The following DMGDH variants were observed in gnomAD, a reference collection of about 807,000 sequenced individuals.
DMGDH encodes the protein dimethylglycine dehydrogenase, mitochondrial.
A neutral mutation model predicts 95.2 loss-of-function variants in DMGDH; 76 were observed. The observed-to-expected ratio is 0.80, with a 90% confidence interval of 0.66 to 0.97. DMGDH has a LOEUF of 0.97. DMGDH is among the 50% of genes least tolerant of loss of function. The pLI is 0.00. For synonymous variants in DMGDH, 345 were observed against 377.6 expected, an observed-to-expected ratio of 0.91 and a Z score of 1.00; for missense variants, 987 against 1,055.0, an observed-to-expected ratio of 0.94 and a Z score of 0.89.
At chr5:79,059,311 A>G (rs544462401) in intron 2 of DMGDH, among the ~76,000 whole-genome samples, 1 of 152,334 alleles carries the variant, frequency 6.6e-6, no homozygotes, top group South Asian at 2.1e-4. Context: ...ACTGCTTTCA[A>G]TGGTGGTATA....
rs1561203315 is a variant in DMGDH at position 78,998,201 on chromosome 5, G to C, written c.2482C>G (p.Gln828Glu). 1.9e-6 allele frequency: 3 copies of C among 1,614,062 alleles called. No individual in the cohort carries two copies. Among genetic ancestry groups the C allele is most frequent in the Non-Finnish European group, 2.5e-6 (3 of 1,180,016 alleles). The change falls in exon 16 of 16, where the codon CAA becomes GAA. Residue 828 changes from glutamine (Q) to glutamate (E), a missense_variant. Physicochemically the swap from Gln to Glu is conservative, Grantham distance 29. Transcript: ENST00000255189. Reference sequence around the variant, plus strand: ...TTGCCTAATAGTTCAACTTCCACTTGCTGTCCCACTTCACTTAGTTGTACA... The same window carrying C: ...TTGCCTAATAGTTCAACTTCCACTTCCTGTCCCACTTCACTTAGTTGTACA... Reference protein sequence around the residue: ...VPVQLSEVGQQVEVELLGKNY... With the variant: ...VPVQLSEVGQEVEVELLGKNY...
At position 79,012,900 on chromosome 5, in the gene DMGDH, T is replaced by C. The variant is rs572522013; in HGVS notation, c.2251-7493A>G. Among the ~76,000 whole-genome samples, 5 of 152,316 alleles carry C rather than the reference T, an allele frequency of 3.3e-5. No individual in the cohort carries two copies. In the East Asian group the frequency reaches 9.7e-4, roughly 29 times the overall value. On this transcript the variant is annotated intron_variant, in intron 14 of 15. Coordinates refer to ENST00000255189, the MANE Select transcript of DMGDH (RefSeq NM_013391.3). Reference sequence around the variant, plus strand: ...TCCTCTTAGGCCTCTGGGGCTGTGATGATAGGGATTGTTGTGAAGGTCTCT... The same window carrying C: ...TCCTCTTAGGCCTCTGGGGCTGTGACGATAGGGATTGTTGTGAAGGTCTCT...
intron 15 of DMGDH, among the ~76,000 whole-genome samples, chr5:79,003,970 A>AT: frequency 6.6e-6 from 1 of 151,492 alleles, no homozygotes; most frequent in African/African-American, 2.4e-5. Flanking sequence ...AAATAAATAA[A>AT]AATAAAATAA....
chr5:79,038,556 G>A (rs34171221), intron 7 of DMGDH, among the ~76,000 whole-genome samples: 2,463 of 152,262 alleles, frequency 0.016, 32 homozygotes, highest in Non-Finnish European at 0.024. Flanking sequence ...TGAGAGTCTA[G>A]AAATCAACCC....
intron 4 of DMGDH, among the ~76,000 whole-genome samples, chr5:79,053,419 G>C (rs935494720): frequency 6.6e-6 from 1 of 152,116 alleles, no homozygotes; most frequent in African/African-American, 2.4e-5. Flanking sequence ...CCCCACCTTG[G>C]CCTTACCACA....
At chr5:79,062,243 G>C (rs1755230186) in intron 2 of DMGDH, among the ~76,000 whole-genome samples, 2 of 151,714 alleles carry the variant, frequency 1.3e-5, no homozygotes, top group African/African-American at 4.8e-5. Context: ...TTTTCTTCAT[G>C]GTGATTACTC....
chr5:79,057,014 C>T (rs1291211189), intron 2 of DMGDH, among the ~76,000 whole-genome samples: 1 of 152,104 alleles, frequency 6.6e-6, no homozygotes, highest in Non-Finnish European at 1.5e-5. Flanking sequence ...CCCTCCTGGC[C>T]CTTTCCTGAA....
chr5:79,040,144 C>T (rs1204351066), intron 7 of DMGDH, among the ~76,000 whole-genome samples: 1 of 152,076 alleles, frequency 6.6e-6, no homozygotes, highest in Non-Finnish European at 1.5e-5. Flanking sequence ...AGACTGTTGT[C>T]CGAAGTGAGA....
chr5:79,041,939 G>A (rs865811065), intron 7 of DMGDH, among the ~76,000 whole-genome samples: 8 of 152,166 alleles, frequency 5.3e-5, no homozygotes, highest in Non-Finnish European at 8.8e-5. Context: ...GGCAGAAGTC[G>A]CAGTGAGTCA....
chr5:79,044,178 T>C, intron 6 of DMGDH, 126 bp downstream of exon 6: 1 of 1,385,412 alleles, frequency 7.2e-7, no homozygotes, highest in Non-Finnish European at 1.0e-6. Flanking sequence ...ACCTGTCACC[T>C]CCAATGTCCC....
At chr5:79,024,986 C>A (rs1378303002) in intron 13 of DMGDH, among the ~76,000 whole-genome samples, 1 of 152,240 alleles carries the variant, frequency 6.6e-6, no homozygotes, top group Non-Finnish European at 1.5e-5. Context: ...AGCAACACAG[C>A]ACCTGCATAA....
chr5:79,044,592 T>A (rs1561223311), intron 5 of DMGDH, 40 bp from the exon 6 acceptor site: 1 of 1,609,384 alleles, frequency 6.2e-7, no homozygotes, highest in East Asian at 2.2e-5. Context: ...AGCCCATATA[T>A]AAACACATAA....
chr5:79,069,480 G>A, intron 1 of DMGDH, 40 bp downstream of exon 1: 1 of 1,212,578 alleles, frequency 8.2e-7, no homozygotes, highest in Non-Finnish European at 1.0e-6. Context: ...CACCCCCGCA[G>A]CCGCCCCGTC....
In DMGDH at chr5:79,063,604, T is replaced by C; in HGVS notation, c.276+9A>G. The C allele has an allele frequency of 6.2e-7, 1 of 1,614,162 alleles. No individual in the cohort carries two copies. Among genetic ancestry groups the C allele is most frequent in the Non-Finnish European group, 8.5e-7 (1 of 1,180,024 alleles). ...CCACGCTTATGACAGTTTGGGGTGC[T>C]TTTCTTACTGCGTGCCAGGTAGATC... is the stretch of plus-strand genomic sequence containing the variant. On this transcript the variant is annotated intron_variant, in intron 2 of 15. Coordinates refer to ENST00000255189, the MANE Select transcript of DMGDH (RefSeq NM_013391.3).
At chr5:79,056,290 A>T (rs1755029721) in intron 2 of DMGDH, among the ~76,000 whole-genome samples, 1 of 152,186 alleles carries the variant, frequency 6.6e-6, no homozygotes. Context: ...AGGTGGGCAG[A>T]TCATGAGGTC....
intron 1 of DMGDH, 53 bp from the exon 2 acceptor site, chr5:79,063,840 T>C (rs1461005874): frequency 1.3e-6 from 2 of 1,589,708 alleles, no homozygotes; most frequent in Non-Finnish European, 1.7e-6. Context: ...GTAGCTATAG[T>C]TCTGGCCTAA....
chr5:79,067,571 A>T lies in DMGDH; in HGVS notation c.101+1949T>A, dbSNP rs758781644. ...AGGGTCTCAAAGTTTTCTCATTTGC[A>T]AAACGGAGCTGTGAAGGTTCTGTTT... On this transcript the variant is annotated intron_variant, in intron 1 of 15. Transcript: ENST00000255189. Among the ~76,000 whole-genome samples the T allele has an allele frequency of 6.2e-4, 95 of 152,234 alleles. 2 individuals carry two copies. Among genetic ancestry groups the T allele is most frequent in the Non-Finnish European group, 5.0e-4 (34 of 68,046 alleles).
chr5:79,038,938 C>CA (rs1225419326), intron 7 of DMGDH, among the ~76,000 whole-genome samples: 1 of 151,876 alleles, frequency 6.6e-6, no homozygotes, highest in Non-Finnish European at 1.5e-5. Context: ...ATTTATGCAG[C>CA]AAAAAGACAC....
intron 15 of DMGDH, among the ~76,000 whole-genome samples, chr5:79,001,576 C>G (rs749210815): frequency 1.3e-5 from 2 of 152,194 alleles, no homozygotes; most frequent in Non-Finnish European, 2.9e-5. Flanking sequence ...GCTTGAGCAT[C>G]TTCAGAAAAC....
Sources: allele counts gnomAD v4.1 joint callset (sites outside exome capture counted in the v4.1 genomes callset), GRCh38; gene constraint gnomAD v4.1.1; transcripts MANE v1.5; gene names NCBI Gene and HGNC (gene_info 2026-07-23, HGNC 2026-07-21).